SPOCK3: variants seen among roughly 807,000 people sequenced by gnomAD.
SPOCK3 encodes testican-3.
A neutral mutation model predicts 56.6 loss-of-function variants in SPOCK3; 30 were observed. The observed-to-expected ratio is 0.53, with a 90% CI of 0.40 to 0.72. The LOEUF is 0.72. Ranked by LOEUF, SPOCK3 falls within the 30% of genes least tolerant of loss-of-function variation. The pLI is 0.00. For missense variants in SPOCK3, 527 were observed against 530.0 expected, an observed-to-expected ratio of 0.99 and a Z score of 0.06; for synonymous variants, 196 against 183.3, an observed-to-expected ratio of 1.07 and a Z score of -0.56.
chr4:166,965,392 GTTTT>G (rs143710160), intron 4 of SPOCK3, among the ~76,000 whole-genome samples: 1 of 139,046 alleles, frequency 7.2e-6, no homozygotes, highest in African/African-American at 2.6e-5. Flanking sequence ...TTCTATTATT[GTTTT>G]TTTTTTTTTG....
At chr4:166,897,379 G>A (rs967600407) in intron 5 of SPOCK3, among the ~76,000 whole-genome samples, 2 of 152,104 alleles carry the variant, frequency 1.3e-5, no homozygotes, top group African/African-American at 2.4e-5. Context: ...CAGAGGTAGT[G>A]TCTCCTTCTA....
intron 6 of SPOCK3, among the ~76,000 whole-genome samples, chr4:166,855,637 T>C (rs1486773276): frequency 1.3e-5 from 2 of 152,252 alleles, no homozygotes; most frequent in Admixed American, 1.3e-4. Flanking sequence ...TTTTCACTAC[T>C]ACCACTCTTA....
intron 5 of SPOCK3, among the ~76,000 whole-genome samples, chr4:166,890,973 T>C (rs1229217508): frequency 6.6e-6 from 1 of 152,070 alleles, no homozygotes; most frequent in Non-Finnish European, 1.5e-5. Context: ...ATAGTAGCTC[T>C]TCTTGTTGCA....
Position 166,967,276 on chromosome 4 carries a change from A to T in SPOCK3, c.350+33073T>A, listed in dbSNP as rs144342117. ...CCCTCTAACTCAAAGATTGAGCTGT[A>T]CAGCTGGTTATCCAGTGCCTGAATA... On this transcript the variant is annotated intron_variant, in intron 4 of 10. Transcript: ENST00000357545. Among the ~76,000 whole-genome samples, 1,437 of 152,264 alleles carry T rather than the reference A, an allele frequency of 9.4e-3. 11 individuals are homozygous for T. The highest frequency in any genetic ancestry group is 0.016 in the Non-Finnish European group (1,067 of 68,014).
chr4:166,857,952 T>C (rs1423689317), intron 6 of SPOCK3, among the ~76,000 whole-genome samples: 3 of 152,208 alleles, frequency 2.0e-5, no homozygotes, highest in Non-Finnish European at 2.9e-5. Context: ...CCTCAACCTA[T>C]AGTCCAAAAG....
At chr4:167,014,050 A>C (rs1300628739) in intron 3 of SPOCK3, among the ~76,000 whole-genome samples, 1 of 152,096 alleles carries the variant, frequency 6.6e-6, no homozygotes. Flanking sequence ...ATATTTGGCC[A>C]TTATCATTTG....
intron 6 of SPOCK3, among the ~76,000 whole-genome samples, chr4:166,795,675 A>C (rs891238051): frequency 2.0e-5 from 3 of 150,388 alleles, no homozygotes; most frequent in Non-Finnish European, 4.4e-5. Context: ...TAAAGTTGAT[A>C]TATTTTATAA....
At chr4:167,188,370 A>C (rs1352081646) in intron 2 of SPOCK3, among the ~76,000 whole-genome samples, 2 of 146,278 alleles carry the variant, frequency 1.4e-5, no homozygotes, top group Non-Finnish European at 3.0e-5. Context: ...AAAAGAGGTC[A>C]CTACTGATAA....
chr4:167,234,421 G>A (rs892606047), intron 1 of SPOCK3, 29 bp downstream of exon 1: 4 of 575,080 alleles, frequency 7.0e-6, no homozygotes, highest in African/African-American at 5.6e-5. Flanking sequence ...CAGCCCGAGC[G>A]GGCACAAAAC....
chr4:166,734,797 A>T lies in SPOCK3; in HGVS notation c.*124T>A. The T allele has an allele frequency of 1.2e-6, 1 of 839,474 alleles. No individual in the cohort carries two copies. The highest frequency in any genetic ancestry group is 1.8e-5 in the African/African-American group (1 of 57,122). The allele number at this position is 839,474 out of a possible 1,614,324, so 52.0% of individuals were successfully genotyped here. A position where few individuals can be genotyped will look rare whatever the true frequency, so the allele number is the denominator to read the frequency against. ...TAACTTTAGCTGCAATTTTTCAAAT[A>T]ATTATACAAAATATATGTGAGGTTT... On this transcript the variant is annotated 3_prime_UTR_variant, in exon 11 of 11. Coordinates refer to ENST00000357545, the MANE Select transcript of SPOCK3 (RefSeq NM_001040159.2).
At chr4:166,744,245 T>G (rs1480926992) in intron 8 of SPOCK3, among the ~76,000 whole-genome samples, 1 of 152,098 alleles carries the variant, frequency 6.6e-6, no homozygotes, top group Non-Finnish European at 1.5e-5. Flanking sequence ...AGTGCCCCTC[T>G]GAGATGAAGC....
At chr4:166,973,494 A>G (rs1745609397) in intron 4 of SPOCK3, among the ~76,000 whole-genome samples, 1 of 152,216 alleles carries the variant, frequency 6.6e-6, no homozygotes, top group African/African-American at 2.4e-5. Context: ...AATAGAAAGT[A>G]CTGAGTTCAT....
intron 6 of SPOCK3, among the ~76,000 whole-genome samples, chr4:166,794,919 A>G (rs1032174145): frequency 7.9e-5 from 12 of 152,128 alleles, no homozygotes; most frequent in African/African-American, 2.9e-4. Flanking sequence ...CTGGAATTAA[A>G]GGCGTGAGTC....
rs556753549 is a variant in SPOCK3 at position 167,004,962 on chromosome 4, G to A, written c.236-4499C>T. ...TCCAAGGAGAGGTTAGGGGAAAGAT[G>A]TCCCTCCAGCAGTCATCTCAAAGAA... On this transcript the variant is annotated intron_variant, in intron 3 of 10. Coordinates refer to ENST00000357545, the MANE Select transcript of SPOCK3 (RefSeq NM_001040159.2). 2.6e-5 allele frequency among the ~76,000 whole-genome samples: 4 copies of A among 152,240 alleles called. No individual in the cohort carries two copies. In the South Asian group the frequency reaches 8.3e-4, roughly 32 times the overall value.
At position 166,740,781 on chromosome 4, in the gene SPOCK3, C is replaced by T. The variant is rs75345016; in HGVS notation, c.994+1216G>A. ...CCTCAGGTGATCTGCCTACCTTGGC[C>T]TCCTAAAGTGTTGGGATTACAGGCG... On this transcript the variant is annotated intron_variant, in intron 9 of 10. Transcript: ENST00000357545. Among the ~76,000 whole-genome samples the T allele has an allele frequency of 8.1e-4, 123 of 152,118 alleles. 1 individual carries two copies. The East Asian group carries it at 0.013, about 16-fold the overall frequency.
At chr4:166,869,638 G>GTT (rs1435634232) in intron 6 of SPOCK3, among the ~76,000 whole-genome samples, 1 of 150,990 alleles carries the variant, frequency 6.6e-6, no homozygotes, top group Non-Finnish European at 1.5e-5. Flanking sequence ...GTGTGTGTGT[G>GTT]TGTGTGTGTT....
At chr4:167,109,919 C>A (rs1475112094) in intron 2 of SPOCK3, among the ~76,000 whole-genome samples, 1 of 151,942 alleles carries the variant, frequency 6.6e-6, no homozygotes, top group East Asian at 1.9e-4. Flanking sequence ...GTCCTCCTTT[C>A]TCGTCTTACT....
At chr4:167,204,716 G>C (rs1383063917) in intron 2 of SPOCK3, among the ~76,000 whole-genome samples, 1 of 151,768 alleles carries the variant, frequency 6.6e-6, no homozygotes. Context: ...GGCTTGAGTT[G>C]TTACATGAGA....
intron 3 of SPOCK3, among the ~76,000 whole-genome samples, chr4:167,049,094 T>C (rs1014790368): frequency 1.4e-5 from 2 of 146,566 alleles, no homozygotes; most frequent in Non-Finnish European, 1.5e-5. Flanking sequence ...TCAAGAAAAG[T>C]TAATTTTCTT....
Sources: allele counts gnomAD v4.1 joint callset (sites outside exome capture counted in the v4.1 genomes callset), GRCh38; gene constraint gnomAD v4.1.1; transcripts MANE v1.5; gene names NCBI Gene and HGNC (gene_info 2026-07-23, HGNC 2026-07-21).